NSF: variants seen among roughly 807,000 people sequenced by gnomAD.
NSF encodes the protein N-ethylmaleimide sensitive factor, vesicle fusing ATPase.
Under a neutral mutation model 50.3 loss-of-function variants are expected in NSF, and 14 were observed. That is an observed-to-expected ratio of 0.28 (90% CI 0.18 to 0.44). NSF has a LOEUF of 0.44. Among genes scored for constraint, NSF ranks in the 20% least tolerant of loss-of-function variants. NSF has a pLI of 1.00. For synonymous variants in NSF, 109 were observed against 175.7 expected, an observed-to-expected ratio of 0.62 and a Z score of 3.00; for missense variants, 218 against 504.3, an observed-to-expected ratio of 0.43 and a Z score of 5.44.
chr17:46,731,663 G>A (rs533128907), intron 17 of NSF, among the ~76,000 whole-genome samples: 1 of 152,194 alleles, frequency 6.6e-6, no homozygotes, highest in East Asian at 1.9e-4. Context: ...ATTTATCTAA[G>A]GACTGAAGAG....
chr17:46,726,937 C>T (rs1238114035), intron 16 of NSF, among the ~76,000 whole-genome samples: 3 of 152,228 alleles, frequency 2.0e-5, no homozygotes, highest in Non-Finnish European at 2.9e-5. Flanking sequence ...TTTAGGACCT[C>T]TGAGCTCAGA....
Position 46,711,018 on chromosome 17 carries a change from A to G in NSF, c.1526A>G (p.Lys509Arg). 1 of 1,594,038 alleles carries G rather than the reference A, an allele frequency of 6.3e-7. No individual in the cohort carries two copies. Among genetic ancestry groups the G allele is most frequent in the Non-Finnish European group, 8.5e-7 (1 of 1,173,674 alleles). ...AGTTACATTATGAACGGTATCATCAAATGGGGTGACCCAGTTACTCGAGTT... is the reference window on the plus strand; with the variant it reads ...AGTTACATTATGAACGGTATCATCAGATGGGGTGACCCAGTTACTCGAGTT... ...YASYIMNGII[K>R]WGDPVTRVLD... Residue 509 changes from lysine to arginine, a missense_variant, in exon 14 of 21, where the codon AAA becomes AGA. Transcript: ENST00000398238.
Position 46,741,308 on chromosome 17 carries a change from A to G in NSF, c.1909-8465A>G, listed in dbSNP as rs570710258. On this transcript the variant is annotated intron_variant, in intron 17 of 20. Transcript: ENST00000398238. ...TTCAGTGTCTTTTTCACAAATTGGA[A>G]TTAGATATCCTTTAATATCATGAAG... Among the ~76,000 whole-genome samples the G allele has an allele frequency of 2.0e-5, 3 of 152,332 alleles. No individual in the cohort carries two copies. The East Asian group carries it at 5.8e-4, about 29-fold the overall frequency.
chr17:46,680,262 T>C (rs1398583707), intron 9 of NSF, among the ~76,000 whole-genome samples: 1 of 151,760 alleles, frequency 6.6e-6, no homozygotes, highest in Non-Finnish European at 1.5e-5. Context: ...ATTGAAACAA[T>C]GTTATATATT....
rs373507225 is a variant in NSF, at chr17:46,751,629, G to A, written c.2157+13G>A. ...GATGTCCCTACAGGTAAGGTACTTC[G>A]TTCTCCGTATGACTCAGACAGAACA... is the stretch of plus-strand genomic sequence containing the variant. On this transcript the variant is annotated intron_variant, in intron 19 of 20. Transcript: ENST00000398238. 3.8e-5 allele frequency: 58 copies of A among 1,539,226 alleles called. No homozygotes were observed. The highest frequency in any genetic ancestry group is 1.2e-4 in the Admixed American group (7 of 59,432).
rs564988276 is a variant in NSF, at chr17:46,676,168, A to G, written c.945+1555A>G. ...CTGCTGCCACCACAGGGAAATTAAC[A>G]AAAAATATTTAACTGCCTGGGTTCT... On this transcript the variant is annotated intron_variant, in intron 9 of 20. Transcript: ENST00000398238. Among the ~76,000 whole-genome samples the G allele has an allele frequency of 1.5e-3, 218 of 145,524 alleles. 2 individuals are homozygous for G. The highest frequency in any genetic ancestry group is 5.1e-3 in the African/African-American group (193 of 37,502).
chr17:46,703,680 C>CA (rs149212597), intron 12 of NSF, among the ~76,000 whole-genome samples: 3,080 of 37,140 alleles, frequency 0.083, 280 homozygotes, highest in African/African-American at 0.16. Flanking sequence ...GACTCCGTCT[C>CA]AAAAAAAAAA....
At chr17:46,679,311 G>A (rs1244775737) in intron 9 of NSF, among the ~76,000 whole-genome samples, 1 of 141,036 alleles carries the variant, frequency 7.1e-6, no homozygotes, top group Non-Finnish European at 1.5e-5. Context: ...TTCTCTATGT[G>A]TGATGTATTT....
intron 17 of NSF, among the ~76,000 whole-genome samples, chr17:46,741,588 C>CA (rs113562005): frequency 0.16 from 22,538 of 144,772 alleles, 1,938 homozygotes; most frequent in Non-Finnish European, 0.21. Context: ...CATTTAACTG[C>CA]AAAAAAAAAA....
At chr17:46,726,716 A>C in intron 16 of NSF, 101 bp downstream of exon 16, 9 of 1,003,808 alleles carry the variant, frequency 9.0e-6, no homozygotes, top group Non-Finnish European at 1.4e-5. Context: ...ACTGTAAAGC[A>C]ATAGAAATAC....
At chr17:46,684,711 A>T (rs2058480249) in intron 9 of NSF, among the ~76,000 whole-genome samples, 1 of 148,648 alleles carries the variant, frequency 6.7e-6, no homozygotes. Context: ...GCAGAAAATT[A>T]TACAAAAATT....
Position 46,719,343 on chromosome 17 carries a change from G to A in NSF, c.1761+5357G>A, listed in dbSNP as rs554215112. 3.0e-4 allele frequency among the ~76,000 whole-genome samples: 46 copies of A among 152,134 alleles called. No homozygotes were observed. The highest frequency in any genetic ancestry group is 9.8e-4 in the Admixed American group (15 of 15,292). ...AACAGGTAAGAGTTTTAGTAGAGAG[G>A]GCTGTTAGGCTTGCTTTAATGAGTA... On this transcript the variant is annotated intron_variant, in intron 15 of 20. Transcript: ENST00000398238. This position sits in a 1 kb window ranked among gnomAD's most constrained non-coding sequence, Gnocchi z 4.3.
chr17:46,743,211 A>G (rs551850588), intron 17 of NSF, among the ~76,000 whole-genome samples: 9 of 152,036 alleles, frequency 5.9e-5, no homozygotes, highest in Non-Finnish European at 1.3e-4. Context: ...TCTCTGCGTC[A>G]TTTGCTGCCA....
intron 9 of NSF, among the ~76,000 whole-genome samples, chr17:46,675,563 C>T (rs1189381859): frequency 5.9e-5 from 7 of 118,294 alleles, no homozygotes; most frequent in Non-Finnish European, 1.1e-4. Context: ...TTGGCTAAAA[C>T]GATTATGGAG....
At chr17:46,733,205 T>A (rs1156460762) in intron 17 of NSF, among the ~76,000 whole-genome samples, 7 of 152,170 alleles carry the variant, frequency 4.6e-5, no homozygotes, top group African/African-American at 1.7e-4. Context: ...TTGAGGGGAA[T>A]GTGCTTTTCA....
intron 8 of NSF, among the ~76,000 whole-genome samples, chr17:46,673,910 G>T (rs961243268): frequency 0.34 from 2,358 of 6,996 alleles, 1,006 homozygotes; most frequent in South Asian, 0.79. Context: ...ATTCCATGGG[G>T]GTGTGTGTGT....
chr17:46,724,295 A>G (rs754021939), intron 15 of NSF, among the ~76,000 whole-genome samples: 2 of 152,224 alleles, frequency 1.3e-5, no homozygotes, highest in African/African-American at 4.8e-5. Context: ...CGAAAATCTC[A>G]GTGGCTTAAC....
intron 16 of NSF, among the ~76,000 whole-genome samples, chr17:46,727,565 AT>A (rs1568049081): frequency 6.6e-6 from 1 of 151,966 alleles, no homozygotes; most frequent in East Asian, 1.9e-4. Flanking sequence ...TCTGTTATTT[AT>A]TTTTTTAAGT....
chr17:46,690,568 C>T (rs2058537201), intron 9 of NSF, among the ~76,000 whole-genome samples: 1 of 97,108 alleles, frequency 1.0e-5, no homozygotes, highest in Non-Finnish European at 2.0e-5. Flanking sequence ...GCCAAGATCA[C>T]GCCACTGCAC....
Sources: allele counts gnomAD v4.1 joint callset (sites outside exome capture counted in the v4.1 genomes callset), GRCh38; gene constraint gnomAD v4.1.1; non-coding constraint Gnocchi (gnomAD v3.1); transcripts MANE v1.5; gene names NCBI Gene and HGNC (gene_info 2026-07-23, HGNC 2026-07-21).